The following UBN2 variants were observed in gnomAD, a reference collection of about 807,000 sequenced individuals.
UBN2 encodes the protein ubinuclein-2.
UBN2 carries 35 observed loss-of-function variants against 120.2 expected under a neutral mutation model. The observed-to-expected ratio is 0.29, with a 90% CI of 0.22 to 0.39. The LOEUF (loss-of-function observed/expected upper bound fraction) is 0.39. Ranked by LOEUF, UBN2 falls within the 10% of genes least tolerant of loss-of-function variation. The probability of loss-of-function intolerance (pLI) is 1.00; values close to 1 mark genes in which losing one functional copy is unlikely to be tolerated. For missense variants in UBN2, 1,693 were observed against 1,663.2 expected (o/e 1.02, Z -0.31); for synonymous variants, 661 against 648.7 (o/e 1.02, Z -0.29).
the UBN2 span, among the ~76,000 whole-genome samples, chr7:139,324,761 A>G: frequency 6.6e-6 from 1 of 152,038 alleles, no homozygotes; most frequent in Non-Finnish European, 1.5e-5. Context: ...TCCTCAGGTC[A>G]GAAGTTCGAA....
At chr7:139,315,006 C>T in the UBN2 span, among the ~76,000 whole-genome samples, 3 of 151,140 alleles carry the variant, frequency 2.0e-5, no homozygotes, top group Admixed American at 6.6e-5. Context: ...GATGGAATCT[C>T]GCTCTGTCGC....
At chr7:139,239,194 T>C (rs562132041) in intron 2 of UBN2, among the ~76,000 whole-genome samples, 2 of 152,318 alleles carry the variant, frequency 1.3e-5, no homozygotes, top group Admixed American at 1.3e-4. Context: ...TATTATAGAA[T>C]TGTACACACT....
intron 11 of UBN2, among the ~76,000 whole-genome samples, chr7:139,275,348 C>T (rs1285371240): frequency 6.7e-6 from 1 of 150,188 alleles, no homozygotes; most frequent in Non-Finnish European, 1.5e-5. Flanking sequence ...CTTTGGGAGG[C>T]CAAGGAGGGT....
At chr7:139,241,612 C>T (rs1199968128) in intron 2 of UBN2, among the ~76,000 whole-genome samples, 1 of 152,038 alleles carries the variant, frequency 6.6e-6, no homozygotes, top group East Asian at 1.9e-4. Flanking sequence ...AAACAGTTGA[C>T]CAAATGGAAT....
At chr7:139,265,089 T>C (rs1300157396) in intron 6 of UBN2, among the ~76,000 whole-genome samples, 1 of 152,244 alleles carries the variant, frequency 6.6e-6, no homozygotes, top group Non-Finnish European at 1.5e-5. Context: ...GCTACCCTAC[T>C]GTGACCTATA....
Position 139,304,843 on chromosome 7 carries a change from T to C in UBN2, c.*7007T>C, listed in dbSNP as rs1026223479. On this transcript the variant is annotated 3_prime_UTR_variant, in exon 18 of 18. Coordinates refer to ENST00000473989, the MANE Select transcript of UBN2 (RefSeq NM_173569.4). ...AAACATACTCCTTTTTTTTTTCACA[T>C]GTCCCTGTCTTTTCCATTCTCAGAT... is the stretch of plus-strand genomic sequence containing the variant. 2.0e-5 allele frequency: 3 copies of C among 151,988 alleles called. No individual in the cohort carries two copies. The highest frequency in any genetic ancestry group is 7.3e-5 in the African/African-American group (3 of 41,348). 9.4% of individuals were successfully genotyped at this position (151,988 alleles called of 1,614,324 possible).
Position 139,276,159 on chromosome 7 carries a change from C to T in UBN2, c.2024+12C>T. On this transcript the variant is annotated intron_variant, in intron 12 of 17. Transcript: ENST00000473989. ...CTTACTTCTGCTCCGTGAGTAAATG[C>T]AGACTCCAGATTGCTTCATTTATTC... 6.2e-7 allele frequency: 1 copy of T among 1,611,132 alleles called. No homozygotes were observed. The highest frequency in any genetic ancestry group is 8.5e-7 in the Non-Finnish European group (1 of 1,177,722).
the UBN2 span, among the ~76,000 whole-genome samples, chr7:139,321,214 A>G: frequency 6.6e-6 from 1 of 152,234 alleles, no homozygotes; most frequent in East Asian, 1.9e-4. Flanking sequence ...TGTTAGCTCC[A>G]CATTGGGAAG....
chr7:139,284,166 A>T lies in UBN2; in HGVS notation c.3261A>T (p.Val1087=), dbSNP rs1797706656. 1.2e-6 allele frequency: 2 copies of T among 1,614,034 alleles called. No homozygotes were observed. Among genetic ancestry groups the T allele is most frequent in the African/African-American group, 2.7e-5 (2 of 74,898 alleles). ...SKSNPTPKPT[V]SPSSSSPNAL... ...CCAACCCAACTCCCAAGCCTACTGT[A>T]TCCCCAAGTAGTTCCAGTCCAAATG... Residue 1087 remains valine (V), a synonymous_variant, in exon 15 of 18, where the codon GTA becomes GTT. Coordinates refer to ENST00000473989, the MANE Select transcript of UBN2 (RefSeq NM_173569.4).
chr7:139,297,749 A>G (rs377370622), intron 17 of UBN2, 38 bp from the exon 18 acceptor site: 72 of 1,606,048 alleles, frequency 4.5e-5, no homozygotes, highest in Middle Eastern at 1.6e-4. Context: ...TTTTTGTAAC[A>G]TATGGACCCA....
chr7:139,275,302 C>T (rs953379686), intron 11 of UBN2, among the ~76,000 whole-genome samples: 6 of 136,960 alleles, frequency 4.4e-5, no homozygotes, highest in South Asian at 2.3e-4. Context: ...AAAAAAAAGT[C>T]GCTGGGCACG....
chr7:139,238,401 T>A (rs537404701), intron 2 of UBN2, among the ~76,000 whole-genome samples: 1 of 151,984 alleles, frequency 6.6e-6, no homozygotes, highest in East Asian at 1.9e-4. Context: ...TTTGGTGAGG[T>A]TTTTTAGCTT....
intron 2 of UBN2, among the ~76,000 whole-genome samples, chr7:139,238,118 T>C (rs1301615980): frequency 1.3e-5 from 2 of 152,212 alleles, no homozygotes; most frequent in Non-Finnish European, 2.9e-5. Context: ...CTTGGCACTT[T>C]ACTAAAACAT....
At position 139,283,695 on chromosome 7, in the gene UBN2, C is replaced by T. The variant is rs1797685648; in HGVS notation, c.2790C>T (p.His930=). ...ASSLTQVTKV[H]QHSAVQQNYV... is the part of the protein sequence containing the mutation. Reference sequence around the variant, plus strand: ...CGTTAACACAAGTAACAAAGGTGCACCAGCATTCAGCTGTCCAGCAGAACT... The same window carrying T: ...CGTTAACACAAGTAACAAAGGTGCATCAGCATTCAGCTGTCCAGCAGAACT... The change falls in exon 15 of 18, where the codon CAC becomes CAT. Residue 930 remains histidine, a synonymous_variant. Coordinates refer to ENST00000473989, the MANE Select transcript of UBN2 (RefSeq NM_173569.4). 1.2e-6 allele frequency: 2 copies of T among 1,614,016 alleles called. No homozygotes were observed. The highest frequency in any genetic ancestry group is 1.7e-5 in the Admixed American group (1 of 59,996).
the UBN2 span, among the ~76,000 whole-genome samples, chr7:139,319,659 AACAACACGTT>A: frequency 6.6e-6 from 1 of 152,234 alleles, no homozygotes. Context: ...CCTCAGGGCA[AACAACACGTT>A]CCTGCTCTCT....
chr7:139,278,017 C>T (rs1277090003), intron 12 of UBN2, among the ~76,000 whole-genome samples: 1 of 152,142 alleles, frequency 6.6e-6, no homozygotes, highest in African/African-American at 2.4e-5. Flanking sequence ...TTTCAGACCT[C>T]AGTTGACCAC....
intron 2 of UBN2, among the ~76,000 whole-genome samples, chr7:139,244,094 AC>A (rs1224731007): frequency 2.0e-5 from 3 of 152,216 alleles, no homozygotes; most frequent in Admixed American, 1.3e-4. Context: ...CTCCCAGCTA[AC>A]CAGGTCACTC....
intron 2 of UBN2, among the ~76,000 whole-genome samples, chr7:139,248,978 TATATATGTGTATATGTA>T (rs1184573596): frequency 6.6e-6 from 1 of 151,830 alleles, no homozygotes; most frequent in East Asian, 1.9e-4. Context: ...ATGTTGTATG[TATATATGTGTATATGTA>T]TATATTTATT....
chr7:139,251,823 G>C (rs890051270), intron 2 of UBN2, 133 bp from the exon 3 acceptor site: 2 of 684,044 alleles, frequency 2.9e-6, no homozygotes, highest in African/African-American at 3.6e-5. Context: ...TGCATTCAAG[G>C]TGTGGGAGGA....
Sources: allele counts gnomAD v4.1 joint callset (sites outside exome capture counted in the v4.1 genomes callset), GRCh38; gene constraint gnomAD v4.1.1; transcripts MANE v1.5; gene names NCBI Gene and HGNC (gene_info 2026-07-23, HGNC 2026-07-21).